Variants in HHLA2 observed in about 807,000 individuals in gnomAD.
HHLA2 encodes HHLA2 member of B7 family.
HHLA2 carries 48 observed loss-of-function variants against 45.9 expected under a neutral mutation model. The observed-to-expected ratio is 1.05, with a 90% CI of 0.83 to 1.33. The LOEUF is 1.33. HHLA2 is among the 40% of genes most tolerant of loss of function. HHLA2 has a pLI of 0.00. For synonymous variants in HHLA2, 161 were observed against 173.9 expected, an observed-to-expected ratio of 0.93 and a Z score of 0.59; for missense variants, 462 against 494.3, an observed-to-expected ratio of 0.93 and a Z score of 0.62.
chr3:108,322,581 G>T (rs560080127), intron 2 of HHLA2, among the ~76,000 whole-genome samples: 3 of 152,148 alleles, frequency 2.0e-5, no homozygotes, highest in African/African-American at 4.8e-5. Context: ...CAACCTATGT[G>T]GGGGAGTGGA....
At chr3:108,355,426 T>C (rs995836193) in intron 6 of HHLA2, 45 bp downstream of exon 5, 3 of 1,552,160 alleles carry the variant, frequency 1.9e-6, no homozygotes, top group Non-Finnish European at 2.6e-6. Flanking sequence ...GTTTCAAAGT[T>C]GGGGGGTAAT....
intron 1 of HHLA2, among the ~76,000 whole-genome samples, chr3:108,304,432 T>C (rs566254421): frequency 6.6e-6 from 1 of 152,306 alleles, no homozygotes; most frequent in East Asian, 1.9e-4. Context: ...TTCCTTGTCT[T>C]GTGTCAATAT....
intron 7 of HHLA2, among the ~76,000 whole-genome samples, chr3:108,360,170 T>C (rs1308417146): frequency 6.6e-6 from 1 of 152,150 alleles, no homozygotes; most frequent in Non-Finnish European, 1.5e-5. Context: ...GAAGTCTTCA[T>C]ATAAGCCCAA....
chr3:108,352,937 C>G (rs958996647), intron 4 of HHLA2, among the ~76,000 whole-genome samples: 9 of 152,216 alleles, frequency 5.9e-5, no homozygotes, highest in East Asian at 1.9e-4. Flanking sequence ...GATTCCTGAA[C>G]CCAGCATTGT....
chr3:108,331,842 G>A lies in HHLA2; in HGVS notation c.-27+3495G>A, dbSNP rs1032385867. Among the ~76,000 whole-genome samples, 8 of 152,028 alleles carry A rather than the reference G, an allele frequency of 5.3e-5. No homozygotes were observed. The East Asian group carries it at 1.2e-3, about 22-fold the overall frequency. On this transcript the variant is annotated intron_variant, in intron 3 of 10. Transcript: ENST00000619531. The stretch of plus-strand genomic sequence containing the variant: ...TTTCCCTATTCTTCCTTCCTCTGCT[G>A]CCTGCCTCCCCCTCCCCATTCTACC...
At chr3:108,377,045 A>C (rs760152436) in intron 10 of HHLA2, 8 of 515,084 alleles carry the variant, frequency 1.6e-5, no homozygotes, top group Non-Finnish European at 2.8e-5. Context: ...ACTGTTAAAA[A>C]CCATGAAACA....
intron 1 of HHLA2, among the ~76,000 whole-genome samples, chr3:108,307,651 G>T (rs369584147): frequency 2.4e-4 from 36 of 151,352 alleles, no homozygotes; most frequent in African/African-American, 8.0e-4. Context: ...AAAAAAAAGA[G>T]TTCTTGTTAA....
At chr3:108,312,906 T>C (rs1246438870) in intron 2 of HHLA2, among the ~76,000 whole-genome samples, 1 of 152,036 alleles carries the variant, frequency 6.6e-6, no homozygotes, top group Non-Finnish European at 1.5e-5. Context: ...ATGGAGGTTG[T>C]GAACAGAGCT....
intron 2 of HHLA2, among the ~76,000 whole-genome samples, chr3:108,312,511 C>CTT (rs35442894): frequency 0.98 from 148,723 of 152,194 alleles, 72,778 homozygotes; most frequent in East Asian, 1. Context: ...TGTATACACT[C>CTT]TTCCAGAGAT....
At chr3:108,308,222 T>G (rs1435442650) in intron 1 of HHLA2, among the ~76,000 whole-genome samples, 1 of 152,172 alleles carries the variant, frequency 6.6e-6, no homozygotes, top group Non-Finnish European at 1.5e-5. Context: ...GTTTAATGGT[T>G]TTGATTTTTA....
intron 7 of HHLA2, among the ~76,000 whole-genome samples, chr3:108,360,274 T>C (rs1473500994): frequency 6.6e-6 from 1 of 152,156 alleles, no homozygotes; most frequent in African/African-American, 2.4e-5. Flanking sequence ...ACTCAGCATA[T>C]ACAACACACT....
At chr3:108,376,822 T>C (rs1341207186) in intron 10 of HHLA2, 1 of 403,914 alleles carries the variant, frequency 2.5e-6, no homozygotes, top group African/African-American at 2.1e-5. Flanking sequence ...TCCAATGGCA[T>C]TGTGCATATG....
At chr3:108,365,936 C>T (rs1276453757) in intron 8 of HHLA2, among the ~76,000 whole-genome samples, 1 of 152,200 alleles carries the variant, frequency 6.6e-6, no homozygotes, top group Non-Finnish European at 1.5e-5. Flanking sequence ...CAAACAGAGA[C>T]AATTTGACTT....
intron 1 of HHLA2, among the ~76,000 whole-genome samples, chr3:108,303,589 T>C (rs1026625352): frequency 2.6e-5 from 4 of 152,200 alleles, no homozygotes; most frequent in South Asian, 2.1e-4. Context: ...TTTTGTATAT[T>C]TTTTTCTAGA....
intron 1 of HHLA2, among the ~76,000 whole-genome samples, chr3:108,308,745 G>C (rs1311806492): frequency 6.6e-6 from 1 of 152,056 alleles, no homozygotes; most frequent in African/African-American, 2.4e-5. Context: ...GTTTTGATTT[G>C]CATTTCTCTG....
exon 10 of HHLA2, chr3:108,376,519 C>A: frequency 6.2e-7 from 1 of 1,612,186 alleles, no homozygotes; most frequent in Non-Finnish European, 8.5e-7. Context: ...TCCTGGTGAG[C>A]GCTGTCCCAG....
chr3:108,377,576 G>GGGCTCT (rs2082296233), exon 11 of HHLA2: 3 of 315,222 alleles, frequency 9.5e-6, no homozygotes, highest in African/African-American at 6.4e-5. Flanking sequence ...CAGCCCAGGA[G>GGGCTCT]GTTACAGTGA....
Position 108,375,408 on chromosome 3 carries a change from A to G in HHLA2, c.1109-342A>G, listed in dbSNP as rs148570717. 6.4e-3 allele frequency among the ~76,000 whole-genome samples: 974 copies of G among 152,176 alleles called. 7 individuals are homozygous for G. The highest frequency in any genetic ancestry group is 0.022 in the African/African-American group (906 of 41,476). On this transcript the variant is annotated intron_variant, in intron 8 of 10. Coordinates refer to ENST00000619531, the Ensembl canonical transcript of HHLA2. ...ATGATTTAATGGGTGCAGCACACCA[A>G]CATGGCACATGTATACATATGTAAC...
intron 4 of HHLA2, among the ~76,000 whole-genome samples, chr3:108,352,290 C>T (rs1389525312): frequency 2.6e-5 from 4 of 152,190 alleles, no homozygotes; most frequent in Admixed American, 2.6e-4. Flanking sequence ...TCGACAGTCA[C>T]TCTTTTCCTT....
Sources: allele counts gnomAD v4.1 joint callset (sites outside exome capture counted in the v4.1 genomes callset), GRCh38; gene constraint gnomAD v4.1.1; transcripts MANE v1.5; gene names NCBI Gene and HGNC (gene_info 2026-07-23, HGNC 2026-07-21).